Variants in MEGF6 observed in about 807,000 individuals in gnomAD.
MEGF6 encodes the protein multiple EGF like domains 6, also known as multiple epidermal growth factor-like domains protein 6.
Under a neutral mutation model 207.1 loss-of-function variants are expected in MEGF6, and 184 were observed. That is an observed-to-expected ratio of 0.89 (90% CI 0.79 to 1.00). The LOEUF is 1.00. Ranked by LOEUF, MEGF6 falls within the 50% of genes least tolerant of loss-of-function variation. The pLI is 0.00. For missense variants in MEGF6, 2,282 were observed against 2,202.9 expected (o/e 1.04, Z -0.72); for synonymous variants, 1,038 against 910.0 (o/e 1.14, Z -2.53).
At chr1:3,580,729 T>A (rs1451851250) in intron 3 of MEGF6, among the ~76,000 whole-genome samples, 1 of 132,736 alleles carries the variant, frequency 7.5e-6, no homozygotes, top group Non-Finnish European at 1.6e-5. Context: ...CGTTACTACT[T>A]GGGAGGGCAG....
chr1:3,490,187 CG>C lies in MEGF6; in HGVS notation c.*340del. ...GACAGTGGCCCTGTGCCTGCACCTG[CG>C]CCTGCACCCACACTGGCGCCCACAC... On this transcript the variant is annotated 3_prime_UTR_variant, in exon 37 of 37. Transcript: ENST00000356575. The C allele has an allele frequency of 2.7e-6, 1 of 369,946 alleles. No homozygotes were observed. Among genetic ancestry groups the C allele is most frequent in the South Asian group, 3.9e-5 (1 of 25,854 alleles). The allele number at this position is 369,946 out of a possible 1,614,324, so 22.9% of individuals were successfully genotyped here. A position where few individuals can be genotyped will look rare whatever the true frequency, so the allele number is the denominator to read the frequency against.
intron 17 of MEGF6, among the ~76,000 whole-genome samples, chr1:3,502,131 G>A (rs976940605): frequency 1.6e-3 from 24 of 15,326 alleles, no homozygotes; most frequent in African/African-American, 9.0e-3. Context: ...CCCCGGGGGT[G>A]GGGCTGCTGA....
rs1333402082 is a variant in MEGF6, at chr1:3,579,850, G to C, written c.456C>G (p.Gly152=). 1 of 1,537,378 alleles carries C rather than the reference G, an allele frequency of 6.5e-7. No individual in the cohort carries two copies. Among genetic ancestry groups the C allele is most frequent in the Non-Finnish European group, 8.7e-7 (1 of 1,148,158 alleles). Reference sequence around the variant, plus strand: ...CATACTGACAGCGGGGTCCCTGGAAGCCGGGGGGACAGTGACACGGCTGGG... The same window carrying C: ...CATACTGACAGCGGGGTCCCTGGAACCCGGGGGGACAGTGACACGGCTGGG... The part of the protein sequence containing the change: ...GSAQPCHCPP[G]FQGPRCQYDV... Residue 152 remains glycine, a synonymous_variant, in exon 4 of 37, where the codon GGC becomes GGG. Transcript: ENST00000356575.
chr1:3,552,177 G>A (rs901842517), intron 4 of MEGF6, among the ~76,000 whole-genome samples: 3 of 152,190 alleles, frequency 2.0e-5, no homozygotes, highest in African/African-American at 4.8e-5. Flanking sequence ...CCCTATGCCC[G>A]AGCCCCAGGC....
intron 4 of MEGF6, among the ~76,000 whole-genome samples, chr1:3,569,295 G>A (rs1330680850): frequency 6.6e-6 from 1 of 152,226 alleles, no homozygotes; most frequent in African/African-American, 2.4e-5. Flanking sequence ...CCCTCAGCCG[G>A]GGCTCCCAAA....
intron 3 of MEGF6, among the ~76,000 whole-genome samples, chr1:3,592,907 G>A (rs528976642): frequency 6.6e-6 from 1 of 152,204 alleles, no homozygotes; most frequent in Non-Finnish European, 1.5e-5. Flanking sequence ...AGACCCCACC[G>A]ACGTGACAAC....
intron 5 of MEGF6, among the ~76,000 whole-genome samples, chr1:3,522,386 GC>G (rs1641787393): frequency 6.6e-6 from 1 of 152,156 alleles, no homozygotes; most frequent in South Asian, 2.1e-4. Context: ...AGCCAGAGGG[GC>G]CCCGAGGTCC....
At chr1:3,490,718 C>CCCA (rs1640320287) in intron 36 of MEGF6, 129 bp from the exon 37 acceptor site, 7 of 951,448 alleles carry the variant, frequency 7.4e-6, no homozygotes, top group South Asian at 1.5e-5. Context: ...GTGGGTGGGG[C>CCCA]CCACCCATCC....
At chr1:3,541,503 A>G (rs527625018) in intron 4 of MEGF6, among the ~76,000 whole-genome samples, 2 of 152,324 alleles carry the variant, frequency 1.3e-5, no homozygotes, top group African/African-American at 4.8e-5. Context: ...GTGCAGGCGG[A>G]CATGCGGGCA....
chr1:3,507,776 C>T lies in MEGF6; in HGVS notation c.1789+19G>A. 6.2e-7 allele frequency: 1 copy of T among 1,612,640 alleles called. No individual in the cohort carries two copies. The highest frequency in any genetic ancestry group is 1.1e-5 in the South Asian group (1 of 91,064). On this transcript the variant is annotated intron_variant, in intron 14 of 36. Transcript: ENST00000356575. The stretch of plus-strand genomic sequence containing the variant: ...AGCCCAGGGGTAATTCCAGAAGCAC[C>T]AGAAGAGGCTGCACGCACCATCCTC...
upstream of MEGF6, among the ~76,000 whole-genome samples, chr1:3,614,238 A>G (rs562102935): frequency 8.6e-5 from 13 of 151,738 alleles, no homozygotes; most frequent in East Asian, 2.5e-3. Context: ...CACCCCCTCC[A>G]CCCTAAGCCC....
intron 4 of MEGF6, among the ~76,000 whole-genome samples, chr1:3,546,471 A>G (rs1210217860): frequency 6.6e-6 from 1 of 152,174 alleles, no homozygotes; most frequent in East Asian, 1.9e-4. Context: ...GGTGAGGAGT[A>G]CCCCGAGTGG....
In MEGF6 at chr1:3,560,687, ATCT is replaced by A; in HGVS notation, c.481+19135_481+19137del. ...GGCTGGGTGCCATCAACCCCTCCCC[ATCT>A]GTGGTTTCCAGGGCAACCCTGGAAA... On this transcript the variant is annotated intron_variant, in intron 4 of 36. Coordinates refer to ENST00000356575, the MANE Select transcript of MEGF6 (RefSeq NM_001409.4). The surrounding 1 kb of genome is among the most constrained non-coding windows in gnomAD (Gnocchi z 4.0). 6.6e-6 allele frequency: 3 copies of A among 455,368 alleles called. No homozygotes were observed. The Middle Eastern group carries it at 9.9e-4, about 150-fold the overall frequency. 28.2% of individuals were successfully genotyped at this position (455,368 alleles called of 1,614,324 possible). A position where few individuals can be genotyped will look rare whatever the true frequency, so the allele number is the denominator to read the frequency against.
At chr1:3,582,593 C>A (rs1361513725) in intron 3 of MEGF6, among the ~76,000 whole-genome samples, 2 of 152,190 alleles carry the variant, frequency 1.3e-5, no homozygotes, top group Non-Finnish European at 2.9e-5. Context: ...CAACTCAGAT[C>A]TTGGTTCCCC....
intron 4 of MEGF6, among the ~76,000 whole-genome samples, chr1:3,537,995 C>T (rs1642385724): frequency 6.6e-6 from 1 of 152,186 alleles, no homozygotes; most frequent in African/African-American, 2.4e-5. Flanking sequence ...TGTGCACCTG[C>T]TGGCCCCCAC....
intron 5 of MEGF6, among the ~76,000 whole-genome samples, chr1:3,515,889 C>A (rs1022430153): frequency 1.3e-5 from 2 of 152,202 alleles, no homozygotes; most frequent in African/African-American, 4.8e-5. Flanking sequence ...AAGCTGCAAG[C>A]GAGGGCTCAG....
intron 3 of MEGF6, among the ~76,000 whole-genome samples, chr1:3,580,232 G>A (rs1643759597): frequency 6.6e-6 from 1 of 151,604 alleles, no homozygotes; most frequent in African/African-American, 2.4e-5. Context: ...GGCAGGGAGT[G>A]GGGTCTGAGA....
rs112266546 is a variant in MEGF6 at position 3,575,670 on chromosome 1, G to A, written c.481+4155C>T. 8.7e-3 allele frequency among the ~76,000 whole-genome samples: 1,321 copies of A among 152,218 alleles called. 12 individuals carry two copies. The highest frequency in any genetic ancestry group is 0.014 in the Middle Eastern group (4 of 294). ...GGCAGCAGGCAAAGAGAGAGAGCTT[G>A]TGCGGGGAAACTCCCCCTTATAAAC... On this transcript the variant is annotated intron_variant, in intron 4 of 36. Transcript: ENST00000356575.
Position 3,573,336 on chromosome 1 carries a change from G to T in MEGF6, c.481+6489C>A, listed in dbSNP as rs981301210. ...TCATTTCTCACACCAGACACAAAAA[G>T]CCTCCCCCAGGGTGGCCTCCTGGCT... On this transcript the variant is annotated intron_variant, in intron 4 of 36. Transcript: ENST00000356575. The surrounding 1 kb of genome is among the most constrained non-coding windows in gnomAD (Gnocchi z 5.1). 6.6e-6 allele frequency among the ~76,000 whole-genome samples: 1 copy of T among 152,198 alleles called. No individual in the cohort carries two copies. Among genetic ancestry groups the T allele is most frequent in the African/African-American group, 2.4e-5 (1 of 41,436 alleles).
Sources: gnomAD v4.1 joint callset for allele counts (sites outside exome capture counted in the v4.1 genomes callset) on GRCh38, gnomAD v4.1.1 for gene constraint, Gnocchi (gnomAD v3.1) non-coding constraint, MANE v1.5 for transcripts, NCBI Gene and HGNC (gene_info 2026-07-23, HGNC 2026-07-21) for gene names.